DCC: variants seen among roughly 807,000 people sequenced by gnomAD.
DCC encodes DCC netrin 1 receptor.
In DCC, 58 loss-of-function variants were observed where a neutral mutation model predicts 172.5. That is an observed-to-expected ratio of 0.34 (90% CI 0.27 to 0.42). The LOEUF (loss-of-function observed/expected upper bound fraction) is 0.42, where lower values mean the gene tolerates loss of function less well. Among genes scored for constraint, DCC ranks in the 10% least tolerant of loss-of-function variants. The pLI is 1.00. For missense variants in DCC, 1,740 were observed against 1,791.0 expected (o/e 0.97, Z 0.51); for synonymous variants, 709 against 644.5 (o/e 1.10, Z -1.52).
At chr18:52,835,561 G>A (rs960274292) in intron 2 of DCC, among the ~76,000 whole-genome samples, 1 of 152,126 alleles carries the variant, frequency 6.6e-6, no homozygotes, top group African/African-American at 2.4e-5. Context: ...CCTATTTCAG[G>A]TCTATAATTT....
At chr18:52,424,081 T>G (rs1987343494) in intron 1 of DCC, among the ~76,000 whole-genome samples, 1 of 152,136 alleles carries the variant, frequency 6.6e-6, no homozygotes, top group Non-Finnish European at 1.5e-5. Flanking sequence ...TTGATGAACT[T>G]CTATGTGTAT....
chr18:52,783,323 CTTTTT>C (rs374129823), intron 2 of DCC, among the ~76,000 whole-genome samples: 16 of 59,256 alleles, frequency 2.7e-4, no homozygotes, highest in African/African-American at 1.3e-3. Flanking sequence ...TACTACTACT[CTTTTT>C]TTTTTTTTTT....
chr18:53,050,524 C>A (rs1286633081), intron 5 of DCC, among the ~76,000 whole-genome samples: 1 of 151,948 alleles, frequency 6.6e-6, no homozygotes, highest in Non-Finnish European at 1.5e-5. Flanking sequence ...GAATTTTATT[C>A]TTTTTGTGGC....
intron 5 of DCC, among the ~76,000 whole-genome samples, chr18:52,961,123 C>T (rs1050232083): frequency 2.6e-5 from 4 of 151,822 alleles, no homozygotes; most frequent in African/African-American, 4.8e-5. Flanking sequence ...AAGAAAGGCC[C>T]GGTGTGGGGG....
intron 13 of DCC, among the ~76,000 whole-genome samples, chr18:53,311,833 A>G (rs2057272285): frequency 1.3e-5 from 2 of 152,190 alleles, no homozygotes; most frequent in Admixed American, 1.3e-4. Context: ...GCTAATAAGT[A>G]ATGGAATGAA....
intron 1 of DCC, among the ~76,000 whole-genome samples, chr18:52,635,222 TC>T (rs1244663890): frequency 9.2e-5 from 14 of 152,184 alleles, no homozygotes; most frequent in African/African-American, 3.4e-4. Flanking sequence ...ATAACACCTC[TC>T]TCCAAGAAAC....
intron 26 of DCC, among the ~76,000 whole-genome samples, chr18:53,497,362 ATCTAACATTTCACAAGCATCCTCT>A (rs1274392237): frequency 1.3e-4 from 20 of 152,238 alleles, no homozygotes; most frequent in Admixed American, 1.3e-3. Flanking sequence ...AATGCCTGCA[ATCTAACATTTCACAAGCATCCTCT>A]GAGACCTGTG....
intron 7 of DCC, among the ~76,000 whole-genome samples, chr18:53,114,666 G>A (rs2043385181): frequency 6.6e-6 from 1 of 151,512 alleles, no homozygotes; most frequent in African/African-American, 2.4e-5. Context: ...AGAGTGGTGG[G>A]TTATTGACAT....
At chr18:52,785,978 A>T (rs2037649525) in intron 2 of DCC, among the ~76,000 whole-genome samples, 1 of 152,162 alleles carries the variant, frequency 6.6e-6, no homozygotes, top group Admixed American at 6.6e-5. Flanking sequence ...ATAATAATTA[A>T]GCAAAATACT....
intron 18 of DCC, among the ~76,000 whole-genome samples, chr18:53,400,752 T>A (rs1423215456): frequency 6.6e-6 from 1 of 152,156 alleles, no homozygotes; most frequent in African/African-American, 2.4e-5. Flanking sequence ...GTTGTTAGAT[T>A]TTTTTAAATT....
At chr18:52,607,189 C>A (rs1019639397) in intron 1 of DCC, among the ~76,000 whole-genome samples, 10 of 152,106 alleles carry the variant, frequency 6.6e-5, no homozygotes, top group Non-Finnish European at 1.5e-4. Context: ...CACATCTCAA[C>A]TCCATGACCA....
chr18:52,671,360 C>G (rs918749131), intron 1 of DCC, among the ~76,000 whole-genome samples: 3 of 152,090 alleles, frequency 2.0e-5, no homozygotes, highest in East Asian at 1.9e-4. Context: ...GGTTGTCTGC[C>G]TCTGCTCCCT....
intron 12 of DCC, among the ~76,000 whole-genome samples, chr18:53,280,603 G>A (rs2068861): frequency 0.37 from 56,059 of 151,764 alleles, 11,132 homozygotes; most frequent in South Asian, 0.56. Context: ...CTTCCAGCAC[G>A]GAAGCTTTCT....
At chr18:52,774,049 G>A (rs906934858) in intron 2 of DCC, among the ~76,000 whole-genome samples, 1 of 152,182 alleles carries the variant, frequency 6.6e-6, no homozygotes, top group Admixed American at 6.5e-5. Flanking sequence ...CTCTGTAACA[G>A]GGGCCCCAGA....
At chr18:53,268,558 A>C (rs1036968841) in intron 12 of DCC, among the ~76,000 whole-genome samples, 1 of 152,038 alleles carries the variant, frequency 6.6e-6, no homozygotes, top group African/African-American at 2.4e-5. Context: ...TCAGCCTTCA[A>C]TTTTCTCATT....
intron 7 of DCC, among the ~76,000 whole-genome samples, chr18:53,102,249 C>T (rs1042338293): frequency 5.9e-5 from 9 of 152,196 alleles, no homozygotes; most frequent in Middle Eastern, 3.4e-3. Flanking sequence ...GCTACTATTT[C>T]GTGACTACTT....
intron 1 of DCC, among the ~76,000 whole-genome samples, chr18:52,388,106 T>C (rs1985888186): frequency 6.6e-6 from 1 of 152,004 alleles, no homozygotes; most frequent in Non-Finnish European, 1.5e-5. Flanking sequence ...TAGAATAACA[T>C]TAACATCTGT....
At chr18:53,164,881 C>A (rs1279942247) in intron 8 of DCC, among the ~76,000 whole-genome samples, 1 of 152,162 alleles carries the variant, frequency 6.6e-6, no homozygotes, top group Non-Finnish European at 1.5e-5. Context: ...CTCCATTTCA[C>A]AAATGAGTAT....
intron 5 of DCC, among the ~76,000 whole-genome samples, chr18:52,943,784 CTG>C (rs2040499855): frequency 1.3e-5 from 2 of 151,830 alleles, no homozygotes; most frequent in Admixed American, 6.6e-5. Context: ...GAGTCTCACT[CTG>C]TCACCCAGAC....
Sources: allele counts gnomAD v4.1 joint callset (sites outside exome capture counted in the v4.1 genomes callset), GRCh38; gene constraint gnomAD v4.1.1; transcripts MANE v1.5; gene names NCBI Gene and HGNC (gene_info 2026-07-23, HGNC 2026-07-21).